Variants in GIGYF2 observed in about 807,000 individuals in gnomAD.
GIGYF2 encodes GRB10-interacting GYF protein 2.
Under a neutral mutation model 208.1 loss-of-function variants are expected in GIGYF2, and 25 were observed. That is an observed-to-expected ratio of 0.12 (90% confidence interval 0.09 to 0.17). The LOEUF is 0.17. Ranked by LOEUF, GIGYF2 falls within the 10% of genes least tolerant of loss-of-function variation. GIGYF2 has a pLI of 1.00. For missense variants in GIGYF2, 1,302 were observed against 1,579.4 expected, an observed-to-expected ratio of 0.82 and a Z score of 2.98; for synonymous variants, 534 against 543.8, an observed-to-expected ratio of 0.98 and a Z score of 0.25.
intron 23 of GIGYF2, among the ~76,000 whole-genome samples, chr2:232,842,026 A>G (rs1185792079): frequency 6.6e-6 from 1 of 150,596 alleles, no homozygotes; most frequent in Non-Finnish European, 1.5e-5. Flanking sequence ...TTTTTTTTTG[A>G]GACGGGTGTC....
At chr2:232,811,140 A>G (rs1285958410) in intron 16 of GIGYF2, 104 bp from the exon 17 acceptor site, 2 of 700,514 alleles carry the variant, frequency 2.9e-6, no homozygotes, top group African/African-American at 3.5e-5. Flanking sequence ...TATTTCTAAT[A>G]ATGTCTCCTG....
At chr2:232,788,115 A>C (rs994168831) in intron 9 of GIGYF2, 1 of 154,154 alleles carries the variant, frequency 6.5e-6, no homozygotes, top group African/African-American at 2.4e-5. Flanking sequence ...TGTGTATGAC[A>C]GTATTTTATC....
intron 22 of GIGYF2, among the ~76,000 whole-genome samples, chr2:232,835,807 C>T (rs1701570322): frequency 6.6e-6 from 1 of 152,096 alleles, no homozygotes; most frequent in Non-Finnish European, 1.5e-5. Context: ...GTCTTTTCCA[C>T]ACCCAGCTGT....
chr2:232,750,641 A>G (rs1038952512), intron 5 of GIGYF2, among the ~76,000 whole-genome samples: 3 of 151,142 alleles, frequency 2.0e-5, no homozygotes, highest in African/African-American at 7.3e-5. Context: ...TTCATCATTT[A>G]TATTTCTGTT....
chr2:232,767,171 A>G (rs1178147194), intron 8 of GIGYF2: 2 of 152,222 alleles, frequency 1.3e-5, no homozygotes, highest in East Asian at 3.8e-4. Flanking sequence ...GTTTATAGAA[A>G]AAACTATTTG....
chr2:232,817,519 A>G (rs1214613472), intron 20 of GIGYF2, among the ~76,000 whole-genome samples: 2 of 152,210 alleles, frequency 1.3e-5, no homozygotes, highest in Admixed American at 6.5e-5. Flanking sequence ...CTGAAACTGC[A>G]TATCCATTAA....
intron 2 of GIGYF2, among the ~76,000 whole-genome samples, chr2:232,713,623 A>G (rs1696530817): frequency 1.3e-5 from 2 of 152,200 alleles, no homozygotes; most frequent in Admixed American, 1.3e-4. Flanking sequence ...CATCCAGGAT[A>G]CCATGTTATA....
chr2:232,769,096 A>C (rs1273823322), intron 8 of GIGYF2, among the ~76,000 whole-genome samples: 2 of 152,220 alleles, frequency 1.3e-5, no homozygotes, highest in African/African-American at 4.8e-5. Context: ...AAGTCAAAGA[A>C]TTGGTCATTT....
At chr2:232,706,883 C>G (rs1012734048) in intron 2 of GIGYF2, among the ~76,000 whole-genome samples, 1 of 149,254 alleles carries the variant, frequency 6.7e-6, no homozygotes, top group Non-Finnish European at 1.5e-5. Flanking sequence ...GAGTTTGAGG[C>G]TGTACTGAGC....
intron 14 of GIGYF2, among the ~76,000 whole-genome samples, chr2:232,804,134 C>T (rs1293261070): frequency 2.0e-5 from 3 of 152,088 alleles, no homozygotes; most frequent in Admixed American, 6.5e-5. Context: ...GTATTTCCTT[C>T]GCCTTTCCAT....
chr2:232,778,602 A>G (rs1574873365), intron 8 of GIGYF2, among the ~76,000 whole-genome samples: 1 of 152,114 alleles, frequency 6.6e-6, no homozygotes. Flanking sequence ...TGAAGGTTTG[A>G]TAATTGAGTC....
chr2:232,765,812 A>G (rs1698933645), intron 8 of GIGYF2: 4 of 422,434 alleles, frequency 9.5e-6, no homozygotes, highest in South Asian at 1.8e-5. Context: ...GGGCTTGTAC[A>G]TATGTAAAAC....
Position 232,735,048 on chromosome 2 carries a change from T to C in GIGYF2, c.-43-107T>C. 2 of 644,222 alleles carry C rather than the reference T, an allele frequency of 3.1e-6. 1 individual carries two copies. The highest frequency in any genetic ancestry group is 3.8e-5 in the South Asian group (2 of 52,902). 39.9% of individuals were successfully genotyped at this position (644,222 alleles called of 1,614,324 possible). ...AATTTCAAAATCTCATTTTTGTGAC[T>C]CTAGTTGAGAGGAGCATAAATAAAA... On this transcript the variant is annotated intron_variant, in intron 2 of 28. Coordinates refer to ENST00000373563, the MANE Select transcript of GIGYF2 (RefSeq NM_001103146.3).
intron 23 of GIGYF2, among the ~76,000 whole-genome samples, chr2:232,842,350 C>G (rs980348028): frequency 2.0e-5 from 3 of 152,200 alleles, no homozygotes; most frequent in African/African-American, 4.8e-5. Context: ...AGCTACCACA[C>G]CTGGCCCTGT....
intron 20 of GIGYF2, among the ~76,000 whole-genome samples, chr2:232,818,338 C>T (rs753731166): frequency 6.6e-6 from 1 of 152,162 alleles, no homozygotes; most frequent in African/African-American, 2.4e-5. Context: ...TATAGCTGAG[C>T]AGAAACCAGA....
chr2:232,762,127 C>G (rs1001773842), intron 8 of GIGYF2, among the ~76,000 whole-genome samples: 1 of 151,100 alleles, frequency 6.6e-6, no homozygotes, highest in Non-Finnish European at 1.5e-5. Context: ...ATTCATGGTA[C>G]CATGAATTGG....
chr2:232,784,645 G>A (rs1029466683), intron 8 of GIGYF2, among the ~76,000 whole-genome samples: 3 of 152,004 alleles, frequency 2.0e-5, no homozygotes, highest in African/African-American at 7.2e-5. Context: ...CCAAAGTGCT[G>A]GGATTACAGG....
intron 5 of GIGYF2, among the ~76,000 whole-genome samples, chr2:232,750,371 T>C (rs971284323): frequency 3.3e-5 from 5 of 152,086 alleles, no homozygotes; most frequent in Non-Finnish European, 5.9e-5. Context: ...AATCCTGCAA[T>C]TCAACTAATA....
chr2:232,738,769 G>C (rs1240010835), intron 3 of GIGYF2, among the ~76,000 whole-genome samples: 1 of 152,082 alleles, frequency 6.6e-6, no homozygotes, highest in Non-Finnish European at 1.5e-5. Flanking sequence ...TTTTATCACT[G>C]ATCATTTTAT....
Sources: allele counts gnomAD v4.1 joint callset (sites outside exome capture counted in the v4.1 genomes callset), GRCh38; gene constraint gnomAD v4.1.1; transcripts MANE v1.5; gene names NCBI Gene and HGNC (gene_info 2026-07-23, HGNC 2026-07-21).